IGF2BP3: variants seen among roughly 807,000 people sequenced by gnomAD.
The protein encoded by IGF2BP3 is insulin like growth factor 2 mRNA binding protein 3.
In IGF2BP3, 9 loss-of-function variants were observed where a neutral mutation model predicts 73.8. The observed-to-expected ratio is 0.12, with a 90% confidence interval of 0.07 to 0.21. The LOEUF is 0.21. Among genes scored for constraint, IGF2BP3 ranks in the 10% least tolerant of loss-of-function variants. The pLI is 1.00. For missense variants in IGF2BP3, 542 were observed against 714.0 expected (o/e 0.76, Z 2.75); for synonymous variants, 258 against 256.7 (o/e 1.01, Z -0.05).
At position 23,465,072 on chromosome 7, in the gene IGF2BP3, C is replaced by T. The variant is rs143759851; in HGVS notation, c.236+3410G>A. Among the ~76,000 whole-genome samples the T allele has an allele frequency of 2.3e-3, 353 of 152,270 alleles. 1 individual carries two copies. The highest frequency in any genetic ancestry group is 8.2e-3 in the African/African-American group (341 of 41,552). ...CAATTTTCCTCTTCCCTCTCCCATG[C>T]CCAACAGCCCACAACATAACAAAAA... On this transcript the variant is annotated intron_variant, in intron 2 of 14. Transcript: ENST00000258729.
intron 8 of IGF2BP3, among the ~76,000 whole-genome samples, chr7:23,344,773 T>C (rs1183866891): frequency 6.6e-6 from 1 of 152,232 alleles, no homozygotes; most frequent in Non-Finnish European, 1.5e-5. Flanking sequence ...AATGGGAAGT[T>C]ATTCCTTAAC....
chr7:23,426,228 G>C, intron 2 of IGF2BP3, among the ~76,000 whole-genome samples: 1 of 150,896 alleles, frequency 6.6e-6, no homozygotes, highest in South Asian at 2.1e-4. Flanking sequence ...TTGGGAGGCT[G>C]AGGCAGGAGA....
Position 23,310,905 on chromosome 7 carries a change from C to G in IGF2BP3, c.*1457G>C, listed in dbSNP as rs538255663. The G allele has an allele frequency of 6.6e-6, 1 of 152,176 alleles. No homozygotes were observed. Among genetic ancestry groups the G allele is most frequent in the South Asian group, 2.1e-4 (1 of 4,824 alleles). 9.4% of individuals were successfully genotyped at this position (152,176 alleles called of 1,614,324 possible). ...GAGAGCAGCGTGGCCTTGGAGACCA[C>G]CCACACCCAACACAATTGTACGTAC... On this transcript the variant is annotated 3_prime_UTR_variant, in exon 15 of 15. Transcript: ENST00000258729.
rs551566879 is a variant in IGF2BP3 at position 23,340,849 on chromosome 7, C to CT, written c.1203+1214dup. 6.9e-3 allele frequency among the ~76,000 whole-genome samples: 959 copies of CT among 139,328 alleles called. 6 individuals are homozygous for CT. The highest frequency in any genetic ancestry group is 0.02 in the South Asian group (85 of 4,342). The allele number at this position is 139,328 out of a possible 152,430, so 91.4% of individuals were successfully genotyped here. On this transcript the variant is annotated intron_variant, in intron 10 of 14. Coordinates refer to ENST00000258729, the MANE Select transcript of IGF2BP3 (RefSeq NM_006547.3). The stretch of plus-strand genomic sequence containing the variant: ...AAAATATTTCTTTCTTTTTCTTTTT[C>CT]TTTTTTTTTTTTTTTTCCCAGACAG...
intron 3 of IGF2BP3, among the ~76,000 whole-genome samples, chr7:23,406,323 G>T (rs1449599182): frequency 6.6e-6 from 1 of 152,126 alleles, no homozygotes; most frequent in Non-Finnish European, 1.5e-5. Context: ...AAAAAGGGAA[G>T]CCTCAGGGAA....
intron 2 of IGF2BP3, among the ~76,000 whole-genome samples, chr7:23,452,868 C>T (rs937995975): frequency 9.3e-5 from 14 of 150,306 alleles, no homozygotes; most frequent in Admixed American, 8.0e-4. Flanking sequence ...AATCCCAGCA[C>T]TTTGGGAGGC....
chr7:23,336,545 A>G (rs1015572976), intron 10 of IGF2BP3, among the ~76,000 whole-genome samples: 1 of 151,274 alleles, frequency 6.6e-6, no homozygotes, highest in Admixed American at 6.6e-5. Context: ...TTGCTTAGTC[A>G]CCCAGGCGGG....
chr7:23,313,314 A>G (rs539642969), intron 13 of IGF2BP3, among the ~76,000 whole-genome samples: 1 of 152,344 alleles, frequency 6.6e-6, no homozygotes, highest in South Asian at 2.1e-4. Flanking sequence ...CAATCCTCTC[A>G]CACAAAGTGA....
intron 3 of IGF2BP3, among the ~76,000 whole-genome samples, chr7:23,388,349 T>C (rs1786155132): frequency 6.6e-6 from 1 of 152,184 alleles, no homozygotes; most frequent in Admixed American, 6.6e-5. Context: ...CAACTTAGGT[T>C]CAGTAATTGA....
intron 2 of IGF2BP3, among the ~76,000 whole-genome samples, chr7:23,458,094 T>A (rs1459127167): frequency 2.6e-5 from 4 of 152,222 alleles, no homozygotes; most frequent in African/African-American, 9.7e-5. Context: ...TTGGAATGAC[T>A]ACTGGGTGAC....
intron 3 of IGF2BP3, chr7:23,402,327 T>C (rs1583996988): frequency 6.6e-6 from 1 of 152,212 alleles, no homozygotes; most frequent in Non-Finnish European, 1.5e-5. Context: ...CGTAAGTATA[T>C]AAAGCTAAGA....
chr7:23,447,335 A>G, intron 2 of IGF2BP3, among the ~76,000 whole-genome samples: 1 of 151,748 alleles, frequency 6.6e-6, no homozygotes, highest in Non-Finnish European at 1.5e-5. Flanking sequence ...AAGTCATTAA[A>G]TCAAATGAAG....
chr7:23,411,439 G>A (rs144441987), intron 3 of IGF2BP3, among the ~76,000 whole-genome samples: 81 of 152,148 alleles, frequency 5.3e-4, no homozygotes, highest in East Asian at 1.4e-3. Flanking sequence ...AAAATTATCC[G>A]GGCGTGGTGG....
chr7:23,314,073 G>A (rs1451444599), intron 12 of IGF2BP3, among the ~76,000 whole-genome samples: 1 of 152,136 alleles, frequency 6.6e-6, no homozygotes, highest in African/African-American at 2.4e-5. Context: ...AGGCTGGAGT[G>A]CAATGGTACA....
chr7:23,344,625 G>C (rs1209778354), intron 8 of IGF2BP3, among the ~76,000 whole-genome samples: 1 of 152,152 alleles, frequency 6.6e-6, no homozygotes, highest in Non-Finnish European at 1.5e-5. Flanking sequence ...AAAAGCAATG[G>C]GAGACATGTG....
At chr7:23,451,729 A>T (rs1402306899) in intron 2 of IGF2BP3, among the ~76,000 whole-genome samples, 1 of 152,052 alleles carries the variant, frequency 6.6e-6, no homozygotes, top group East Asian at 1.9e-4. Flanking sequence ...CAAGCAGATC[A>T]TTTGAGGTCA....
chr7:23,342,721 A>G (rs1385691602), intron 9 of IGF2BP3, among the ~76,000 whole-genome samples: 1 of 152,202 alleles, frequency 6.6e-6, no homozygotes, highest in African/African-American at 2.4e-5. Flanking sequence ...TGGAAATAGG[A>G]GCCAGAAAGG....
intron 3 of IGF2BP3, among the ~76,000 whole-genome samples, chr7:23,372,991 A>C (rs1297906909): frequency 1.3e-5 from 2 of 152,206 alleles, no homozygotes; most frequent in African/African-American, 2.4e-5. Flanking sequence ...CCATACTCTT[A>C]ATCACTTGGT....
Position 23,350,426 on chromosome 7 carries a change from C to T in IGF2BP3, c.683+879G>A, listed in dbSNP as rs1162553475. On this transcript the variant is annotated intron_variant, in intron 6 of 14. Transcript: ENST00000258729. ...ACACTCACAGGTTCTTCAGGAAATA[C>T]AGTAGTAACAGGATGTGCCTCGTAG... 5.3e-5 allele frequency among the ~76,000 whole-genome samples: 8 copies of T among 152,196 alleles called. No individual in the cohort carries two copies. In the East Asian group the frequency reaches 7.7e-4, roughly 15 times the overall value.
Sources: gnomAD v4.1 joint callset for allele counts (sites outside exome capture counted in the v4.1 genomes callset) on GRCh38, gnomAD v4.1.1 for gene constraint, MANE v1.5 for transcripts, NCBI Gene and HGNC (gene_info 2026-07-23, HGNC 2026-07-21) for gene names.